The following GBE1 variants were observed in gnomAD, a reference collection of about 807,000 sequenced individuals.
The protein encoded by GBE1 is 1,4-alpha-glucan branching enzyme 1, also known as 1,4-alpha-glucan-branching enzyme.
A neutral mutation model predicts 88.8 loss-of-function variants in GBE1; 70 were observed. The ratio of observed to expected loss-of-function variants is 0.79; its 90% confidence interval spans 0.65 to 0.96. GBE1 has a LOEUF of 0.96. Ranked by LOEUF, GBE1 falls within the 40% of genes least tolerant of loss-of-function variation. The probability of loss-of-function intolerance (pLI) is 0.00; values close to 1 mark genes in which losing one functional copy is unlikely to be tolerated. For synonymous variants in GBE1, 284 were observed against 300.1 expected (o/e 0.95, Z 0.56); for missense variants, 872 against 871.0 (o/e 1.00, Z -0.01).
At chr3:81,692,768 C>T (rs1022547596) in intron 2 of GBE1, among the ~76,000 whole-genome samples, 1 of 152,056 alleles carries the variant, frequency 6.6e-6, no homozygotes, top group African/African-American at 2.4e-5. Flanking sequence ...ATTTTTTAAA[C>T]CTATTTCTAA....
At chr3:81,584,801 C>T (rs368570279) in intron 10 of GBE1, among the ~76,000 whole-genome samples, 2 of 151,238 alleles carry the variant, frequency 1.3e-5, no homozygotes, top group East Asian at 3.9e-4. Flanking sequence ...AGAGAAAATA[C>T]CTCACTTTGT....
chr3:81,595,125 G>GT (rs1464988247), intron 7 of GBE1, among the ~76,000 whole-genome samples: 1 of 142,382 alleles, frequency 7.0e-6, no homozygotes, highest in African/African-American at 2.6e-5. Flanking sequence ...AATTTACTAA[G>GT]TTAAAAAAAA....
intron 7 of GBE1, among the ~76,000 whole-genome samples, chr3:81,619,544 T>A (rs181077965): frequency 6.6e-6 from 1 of 152,268 alleles, no homozygotes; most frequent in African/African-American, 2.4e-5. Flanking sequence ...TTGATTCCAT[T>A]AATCAAGAGA....
chr3:81,565,671 A>G (rs147336345), intron 12 of GBE1, among the ~76,000 whole-genome samples: 31 of 152,304 alleles, frequency 2.0e-4, no homozygotes, highest in African/African-American at 7.5e-4. Context: ...ATTTCATAAT[A>G]CTGCTGAGAG....
At chr3:81,665,260 G>A (rs766499779) in intron 3 of GBE1, among the ~76,000 whole-genome samples, 1 of 152,078 alleles carries the variant, frequency 6.6e-6, no homozygotes, top group Admixed American at 6.6e-5. Context: ...TTGGCCGGGC[G>A]TGGTGGCTCA....
At chr3:81,620,365 G>T (rs1704309781) in intron 7 of GBE1, among the ~76,000 whole-genome samples, 1 of 151,826 alleles carries the variant, frequency 6.6e-6, no homozygotes, top group South Asian at 2.1e-4. Flanking sequence ...TGTATTTTTA[G>T]TAGAGATGGG....
intron 14 of GBE1, among the ~76,000 whole-genome samples, chr3:81,512,296 A>C (rs1002052679): frequency 1.3e-5 from 2 of 151,898 alleles, no homozygotes; most frequent in African/African-American, 4.8e-5. Flanking sequence ...ACTTCGCAAC[A>C]CACAAACAAA....
At chr3:81,611,974 A>G (rs1250489321) in intron 7 of GBE1, among the ~76,000 whole-genome samples, 1 of 152,138 alleles carries the variant, frequency 6.6e-6, no homozygotes, top group African/African-American at 2.4e-5. Context: ...ATCATATTGG[A>G]AAAAAGCATT....
chr3:81,737,337 A>C (rs868434508), intron 1 of GBE1, among the ~76,000 whole-genome samples: 5 of 87,650 alleles, frequency 5.7e-5, no homozygotes, highest in Admixed American at 4.9e-4. Context: ...ATATTTTTAT[A>C]TATATTTATA....
chr3:81,526,700 C>A (rs1373927313), intron 14 of GBE1, among the ~76,000 whole-genome samples: 1 of 152,070 alleles, frequency 6.6e-6, no homozygotes, highest in Non-Finnish European at 1.5e-5. Flanking sequence ...ACTACAACCA[C>A]TGCTCAATGA....
chr3:81,492,644 T>C (rs1214030501), intron 15 of GBE1, among the ~76,000 whole-genome samples: 1 of 151,620 alleles, frequency 6.6e-6, no homozygotes, highest in East Asian at 1.9e-4. Flanking sequence ...TTCCTTCCTT[T>C]CTTTCTTTTT....
At chr3:81,750,254 T>C (rs911394835) in intron 1 of GBE1, among the ~76,000 whole-genome samples, 1 of 151,782 alleles carries the variant, frequency 6.6e-6, no homozygotes, top group Non-Finnish European at 1.5e-5. Context: ...TGAAGACTGA[T>C]AGTTACACAT....
chr3:81,720,187 A>C (rs997684826), intron 1 of GBE1, among the ~76,000 whole-genome samples: 1 of 152,116 alleles, frequency 6.6e-6, no homozygotes, highest in African/African-American at 2.4e-5. Context: ...TACAAAGATC[A>C]TAAGAGCTTT....
intron 14 of GBE1, among the ~76,000 whole-genome samples, chr3:81,523,827 A>T (rs1369539410): frequency 6.6e-6 from 1 of 151,812 alleles, no homozygotes; most frequent in African/African-American, 2.4e-5. Flanking sequence ...AAATAACAAG[A>T]TCTCATTCCT....
At position 81,756,517 on chromosome 3, in the gene GBE1, T is replaced by C. The variant is rs183980196; in HGVS notation, c.143+4858A>G. Reference sequence around the variant, plus strand: ...CAACAGTGAATAAATAATATAGACATAGTACCCACTTATGAGAGCAAACAA... The same window carrying C: ...CAACAGTGAATAAATAATATAGACACAGTACCCACTTATGAGAGCAAACAA... On this transcript the variant is annotated intron_variant, in intron 1 of 15. Transcript: ENST00000429644. 3.3e-3 allele frequency among the ~76,000 whole-genome samples: 508 copies of C among 152,234 alleles called. 1 individual carries two copies. Among genetic ancestry groups the C allele is most frequent in the Middle Eastern group, 0.02 (6 of 294 alleles).
At chr3:81,710,620 G>T (rs1009696784) in intron 1 of GBE1, among the ~76,000 whole-genome samples, 1 of 151,780 alleles carries the variant, frequency 6.6e-6, no homozygotes, top group South Asian at 2.1e-4. Flanking sequence ...GGGGGCTCGG[G>T]GGAACCTCAT....
At chr3:81,707,919 GATATACCCTTA>G (rs71883470) in intron 1 of GBE1, among the ~76,000 whole-genome samples, 58,458 of 151,500 alleles carry the variant, frequency 0.39, 11,614 homozygotes, top group East Asian at 0.52. Flanking sequence ...TATCAAGAAT[GATATACCCTTA>G]ATATCAGTGG....
At chr3:81,514,628 A>C (rs553138873) in intron 14 of GBE1, among the ~76,000 whole-genome samples, 7 of 151,634 alleles carry the variant, frequency 4.6e-5, no homozygotes, top group African/African-American at 1.7e-4. Context: ...AGAAACAGAA[A>C]CTTCTTTTGG....
In GBE1 at chr3:81,761,633, T is replaced by TCGAGGCAAGC. The variant is rs533630216; in HGVS notation, c.-126_-117dup. ...CGGAGCCGGAGGGCGCCTAGGCGTG[T>TCGAGGCAAGC]CGAGGCAAGCCGAGGCGAGCCGCGG... On this transcript the variant is annotated 5_prime_UTR_variant, in exon 1 of 16. Coordinates refer to ENST00000429644, the MANE Select transcript of GBE1 (RefSeq NM_000158.4). 3,638 of 1,341,760 alleles carry TCGAGGCAAGC rather than the reference T, an allele frequency of 2.7e-3. 99 individuals are homozygous for TCGAGGCAAGC. In the African/African-American group the frequency reaches 0.047, roughly 17 times the overall value. 83.1% of individuals were successfully genotyped at this position (1,341,760 alleles called of 1,614,324 possible).
Sources: allele counts gnomAD v4.1 joint callset (sites outside exome capture counted in the v4.1 genomes callset), GRCh38; gene constraint gnomAD v4.1.1; transcripts MANE v1.5; gene names NCBI Gene and HGNC (gene_info 2026-07-23, HGNC 2026-07-21).